The following SLC24A2 variants were observed in gnomAD, a reference collection of about 807,000 sequenced individuals.
The protein encoded by SLC24A2 is sodium/potassium/calcium exchanger 2.
SLC24A2 carries 36 observed loss-of-function variants against 62.0 expected under a neutral mutation model. The ratio of observed to expected loss-of-function variants is 0.58; its 90% CI spans 0.44 to 0.77. The LOEUF is 0.77. SLC24A2 is among the 30% of genes least tolerant of loss of function. The probability of loss-of-function intolerance (pLI) is 0.00; values close to 1 mark genes in which losing one functional copy is unlikely to be tolerated. For synonymous variants in SLC24A2, 358 were observed against 294.0 expected (o/e 1.22, Z -2.23); for missense variants, 846 against 817.9 (o/e 1.03, Z -0.42).
At chr9:19,527,957 G>A in intron 9 of SLC24A2, 92 bp downstream of exon 9, 1 of 793,060 alleles carries the variant, frequency 1.3e-6, no homozygotes, top group South Asian at 1.5e-5. Context: ...ATACTGTTGT[G>A]GCAGTTGCAG....
At chr9:20,016,963 A>C in the SLC24A2 span, among the ~76,000 whole-genome samples, 1 of 152,250 alleles carries the variant, frequency 6.6e-6, no homozygotes. Context: ...AAAAGATCAC[A>C]TAAGTTTTAA....
the SLC24A2 span, among the ~76,000 whole-genome samples, chr9:19,984,202 A>G: frequency 6.6e-6 from 1 of 152,196 alleles, no homozygotes; most frequent in Admixed American, 6.5e-5. Context: ...TCTCTATCAA[A>G]ATTCCAATGA....
the SLC24A2 span, among the ~76,000 whole-genome samples, chr9:20,207,334 A>G: frequency 6.6e-6 from 1 of 152,152 alleles, no homozygotes; most frequent in Non-Finnish European, 1.5e-5. Context: ...CCTCACGACC[A>G]CTACTCCTTG....
chr9:19,702,260 G>C (rs1820377375), intron 2 of SLC24A2, among the ~76,000 whole-genome samples: 1 of 152,076 alleles, frequency 6.6e-6, no homozygotes. Flanking sequence ...CTGTACACTT[G>C]GTGCTCCTAA....
the SLC24A2 span, among the ~76,000 whole-genome samples, chr9:19,886,307 G>A: frequency 6.6e-6 from 1 of 152,044 alleles, no homozygotes; most frequent in Non-Finnish European, 1.5e-5. Flanking sequence ...AGTGTGAGAT[G>A]GTATTTCACT....
chr9:20,289,805 G>A, the SLC24A2 span, among the ~76,000 whole-genome samples: 1 of 152,070 alleles, frequency 6.6e-6, no homozygotes, highest in Non-Finnish European at 1.5e-5. Flanking sequence ...ATAACTAGCA[G>A]GGTTGATTTT....
chr9:19,796,125 G>A, the SLC24A2 span, among the ~76,000 whole-genome samples: 4 of 120,498 alleles, frequency 3.3e-5, no homozygotes, highest in South Asian at 6.2e-4. Context: ...CTGTTGTGGG[G>A]TGGGGGGAGG....
At chr9:20,305,699 G>C in the SLC24A2 span, among the ~76,000 whole-genome samples, 2 of 152,202 alleles carry the variant, frequency 1.3e-5, no homozygotes, top group Non-Finnish European at 2.9e-5. Context: ...CATTATCCCA[G>C]TATATAGATG....
chr9:19,911,380 G>A, the SLC24A2 span, among the ~76,000 whole-genome samples: 1,171 of 152,184 alleles, frequency 7.7e-3, 19 homozygotes, highest in African/African-American at 0.026. Context: ...ATAAACATAC[G>A]TGTGCATGTG....
the SLC24A2 span, among the ~76,000 whole-genome samples, chr9:19,948,426 G>A: frequency 6.5e-4 from 99 of 152,262 alleles, no homozygotes; most frequent in East Asian, 0.014. Context: ...ACAAACAAAA[G>A]CTGCTTATCA....
At chr9:19,936,921 G>A in the SLC24A2 span, among the ~76,000 whole-genome samples, 1 of 152,202 alleles carries the variant, frequency 6.6e-6, no homozygotes, top group African/African-American at 2.4e-5. Context: ...GAGGCAGAGA[G>A]CAGAGAGGTA....
At chr9:20,041,363 C>T in the SLC24A2 span, among the ~76,000 whole-genome samples, 2 of 152,180 alleles carry the variant, frequency 1.3e-5, no homozygotes, top group Non-Finnish European at 2.9e-5. Context: ...CATATGTTAC[C>T]GACACATGTT....
chr9:19,845,963 G>T, the SLC24A2 span, among the ~76,000 whole-genome samples: 1 of 150,538 alleles, frequency 6.6e-6, no homozygotes, highest in Non-Finnish European at 1.5e-5. Context: ...TGTTTGGTAT[G>T]ACTTCATTTT....
the SLC24A2 span, among the ~76,000 whole-genome samples, chr9:19,870,058 A>C: frequency 6.6e-6 from 1 of 152,212 alleles, no homozygotes; most frequent in African/African-American, 2.4e-5. Context: ...TCTGTCTTGT[A>C]AAATTTACAA....
intron 2 of SLC24A2, among the ~76,000 whole-genome samples, chr9:19,652,159 A>G: frequency 6.6e-6 from 1 of 152,198 alleles, no homozygotes; most frequent in East Asian, 1.9e-4. Flanking sequence ...GTTACTGACT[A>G]CTATACTCTC....
chr9:19,607,061 C>T (rs1837004215), intron 4 of SLC24A2, among the ~76,000 whole-genome samples: 1 of 152,028 alleles, frequency 6.6e-6, no homozygotes, highest in Non-Finnish European at 1.5e-5. Flanking sequence ...AAGTGAGGCC[C>T]TGCTACTTAT....
At chr9:19,850,173 GTCA>G in the SLC24A2 span, among the ~76,000 whole-genome samples, 2 of 151,672 alleles carry the variant, frequency 1.3e-5, no homozygotes, top group African/African-American at 2.4e-5. Flanking sequence ...AAATTAAGCA[GTCA>G]TCATAATAGT....
chr9:19,514,235 T>G lies in SLC24A2; in HGVS notation c.*1918A>C, dbSNP rs1359414888. On this transcript the variant is annotated 3_prime_UTR_variant, in exon 11 of 11. Transcript: ENST00000341998. ...TGATCTGGGGCTGTCAGGTTACCTTTCCTCTTATTCTGCTGTGAGTTCTGC... is the reference window on the plus strand; with the variant it reads ...TGATCTGGGGCTGTCAGGTTACCTTGCCTCTTATTCTGCTGTGAGTTCTGC... 1 of 152,236 alleles carries G rather than the reference T, an allele frequency of 6.6e-6. No individual in the cohort carries two copies. Among genetic ancestry groups the G allele is most frequent in the Non-Finnish European group, 1.5e-5 (1 of 68,062 alleles). 9.4% of individuals were successfully genotyped at this position (152,236 alleles called of 1,614,324 possible). A position where few individuals can be genotyped will look rare whatever the true frequency, so the allele number is the denominator to read the frequency against.
the SLC24A2 span, among the ~76,000 whole-genome samples, chr9:19,953,981 A>T: frequency 7.2e-5 from 11 of 152,018 alleles, no homozygotes; most frequent in South Asian, 2.1e-3. Flanking sequence ...AAAAAAAAAA[A>T]GTATCCCATG....
Sources: gnomAD v4.1 joint callset for allele counts (sites outside exome capture counted in the v4.1 genomes callset) on GRCh38, gnomAD v4.1.1 for gene constraint, MANE v1.5 for transcripts, NCBI Gene and HGNC (gene_info 2026-07-23, HGNC 2026-07-21) for gene names.